Variants in C4orf54 observed in about 807,000 individuals in gnomAD.
C4orf54 encodes the protein chromosome 4 open reading frame 54.
Under a neutral mutation model 80.1 loss-of-function variants are expected in C4orf54, and 67 were observed. The ratio of observed to expected loss-of-function variants is 0.84; its 90% CI spans 0.69 to 1.03. C4orf54 has a LOEUF of 1.03. Among genes scored for constraint, C4orf54 ranks in the 50% least tolerant of loss-of-function variants. The pLI is 0.00. For synonymous variants in C4orf54, 1,000 were observed against 917.0 expected, an observed-to-expected ratio of 1.09 and a Z score of -1.64; for missense variants, 2,434 against 2,253.5, an observed-to-expected ratio of 1.08 and a Z score of -1.62.
chr4:99,642,335 C>T (rs1477099026), intron 2 of C4orf54, among the ~76,000 whole-genome samples: 1 of 152,146 alleles, frequency 6.6e-6, no homozygotes, highest in Non-Finnish European at 1.5e-5. Flanking sequence ...CTGACTGAGT[C>T]CTATCACTAG....
chr4:99,654,100 C>T lies in C4orf54; in HGVS notation c.549G>A (p.Lys183=), dbSNP rs1265119747. The change falls in exon 2 of 3, where the codon AAG becomes AAA. Residue 183 remains lysine, a synonymous_variant. Coordinates refer to ENST00000511828, the MANE Select transcript of C4orf54 (RefSeq NM_001354435.2). Reference sequence around the variant, plus strand: ...CTTCTCGCTGGGAGGAGGCTGAAGGCTTGGGAAGTGGCCACAGCTGCTGCT... The same window carrying T: ...CTTCTCGCTGGGAGGAGGCTGAAGGTTTGGGAAGTGGCCACAGCTGCTGCT... ...ELKQQLWPLP[K]PSASSQREAK... 33 of 1,536,062 alleles carry T rather than the reference C, an allele frequency of 2.1e-5. No homozygotes were observed. Among genetic ancestry groups the T allele is most frequent in the Non-Finnish European group, 8.7e-6 (10 of 1,146,928 alleles).
Position 99,651,577 on chromosome 4 carries a change from G to C in C4orf54, c.3072C>G (p.Pro1024=). 6.5e-7 allele frequency: 1 copy of C among 1,536,118 alleles called. No individual in the cohort carries two copies. The highest frequency in any genetic ancestry group is 1.2e-5 in the South Asian group (1 of 84,044). ...AQATSTAVIR[P]KAPEIKIRLG... is the part of the protein sequence containing the mutation. ...GCCGGATCTTGATTTCGGGAGCCTT[G>C]GGTCTGATCACCGCTGTGGAGGTGG... The change falls in exon 2 of 3, where the codon CCC becomes CCG. Residue 1024 remains proline, a synonymous_variant. Transcript: ENST00000511828.
chr4:99,649,402 G>A lies in C4orf54; in HGVS notation c.5247C>T (p.Leu1749=), dbSNP rs1208016829. 3.3e-6 allele frequency: 5 copies of A among 1,536,052 alleles called. No individual in the cohort carries two copies. In the African/African-American group the frequency reaches 5.5e-5, roughly 17 times the overall value. Reference sequence around the variant, plus strand: ...GCTGGGCAAAGGCCTTGGCCCCTAGGAGCTGGGATGTGGCTGCTGGGGCTG... The same window carrying A: ...GCTGGGCAAAGGCCTTGGCCCCTAGAAGCTGGGATGTGGCTGCTGGGGCTG... ...TSSAPAATSQ[L]LGAKAFAQLH... is the part of the protein sequence containing the mutation. Residue 1749 remains leucine, a synonymous_variant, in exon 2 of 3, where the codon CTC becomes CTT. Coordinates refer to ENST00000511828, the MANE Select transcript of C4orf54 (RefSeq NM_001354435.2).
chr4:99,643,348 T>A (rs1384225385), intron 2 of C4orf54, among the ~76,000 whole-genome samples: 2 of 152,202 alleles, frequency 1.3e-5, no homozygotes, highest in African/African-American at 4.8e-5. Flanking sequence ...GTAAGACTAG[T>A]TACTTAGACT....
In C4orf54 at chr4:99,650,514, C is replaced by A. The variant is rs1490582554; in HGVS notation, c.4135G>T (p.Val1379Leu). 2.0e-6 allele frequency: 3 copies of A among 1,536,138 alleles called. No individual in the cohort carries two copies. In the South Asian group the frequency reaches 3.6e-5, roughly 18 times the overall value. ...GGCTGCAGGGGTTGGGTTCTCTCTA[C>A]ATCCTTGTGGACTGGGGGAATATAG... ...SLYIPPVHKD[V>L]ERTQPLQPLP... is the part of the protein sequence containing the mutation. Residue 1379 changes from valine to leucine, a missense_variant, in exon 2 of 3, where the codon GTA (valine) becomes TTA (leucine). Physicochemically the swap from Val to Leu is conservative, Grantham distance 32. Transcript: ENST00000511828.
rs926254937 is a variant in C4orf54, at chr4:99,638,549, G to T, written c.*2684C>A. 1.3e-5 allele frequency: 2 copies of T among 152,072 alleles called. No homozygotes were observed. Among genetic ancestry groups the T allele is most frequent in the African/African-American group, 4.8e-5 (2 of 41,422 alleles). 9.4% of individuals were successfully genotyped at this position (152,072 alleles called of 1,614,324 possible). On this transcript the variant is annotated 3_prime_UTR_variant, in exon 3 of 3. Coordinates refer to ENST00000511828, the MANE Select transcript of C4orf54 (RefSeq NM_001354435.2). The stretch of plus-strand genomic sequence containing the variant: ...GAAATGTTTTACTAATGGTTTTATA[G>T]TAATAAAAAATAAAAGGGAAGTTCA...
Position 99,651,689 on chromosome 4 carries a change from A to T in C4orf54, c.2960T>A (p.Met987Lys). Residue 987 changes from methionine (M) to lysine (K), a missense_variant, in exon 2 of 3, where the codon ATG becomes AAG. Coordinates refer to ENST00000511828, the MANE Select transcript of C4orf54 (RefSeq NM_001354435.2). ...GATGTTGGGGACAAAGAGGCGAGAC[A>T]TGATGGTGTTCTTGCTGGCAGAAAT... Reference protein sequence around the residue: ...GEISASKNTIMSRLFVPNIQQ... With the variant: ...GEISASKNTIKSRLFVPNIQQ... The T allele has an allele frequency of 6.5e-7, 1 of 1,536,006 alleles. No homozygotes were observed. Among genetic ancestry groups the T allele is most frequent in the Non-Finnish European group, 8.7e-7 (1 of 1,146,878 alleles).
Position 99,651,494 on chromosome 4 carries a change from T to C in C4orf54, c.3155A>G (p.Lys1052Arg), listed in dbSNP as rs760119511. 3.3e-6 allele frequency: 5 copies of C among 1,536,206 alleles called. No individual in the cohort carries two copies. Among genetic ancestry groups the C allele is most frequent in the Non-Finnish European group, 2.6e-6 (3 of 1,146,908 alleles). ...DFNIAKLLTP[K>R]LAGGSASNLF... ...GTTAGAGGCGCTGCCACCGGCCAGCTTGGGCGTGAGCAACTTGGCAATGTT... is the reference window on the plus strand; with the variant it reads ...GTTAGAGGCGCTGCCACCGGCCAGCCTGGGCGTGAGCAACTTGGCAATGTT... Residue 1052 changes from lysine (K) to arginine (R), a missense_variant, in exon 2 of 3, where the codon AAG (lysine) becomes AGG (arginine). By Grantham distance (26) the Lys-to-Arg change is conservative. Transcript: ENST00000511828.
chr4:99,653,617 T>A lies in C4orf54; in HGVS notation c.1032A>T (p.Thr344=), dbSNP rs1217377417. ...GGGGGGAGDG[T]ECRDIIAKSQ... is the part of the protein sequence containing the mutation. ...ACTTGGCAATAATGTCCCTGCACTC[T>A]GTTCCATCTCCTGCCCCTCCTCCCC... Residue 344 remains threonine, a synonymous_variant, in exon 2 of 3, where the codon ACA becomes ACT. Transcript: ENST00000511828. 6.5e-7 allele frequency: 1 copy of A among 1,535,998 alleles called. No individual in the cohort carries two copies. Among genetic ancestry groups the A allele is most frequent in the Non-Finnish European group, 8.7e-7 (1 of 1,146,862 alleles).
chr4:99,649,253 C>G lies in C4orf54; in HGVS notation c.*14G>C. ...TACCAGCAGTTTTTCATTCCGCTTC[C>G]TGGTGGCTGCTCATCATCTGTGTTC... On this transcript the variant is annotated 3_prime_UTR_variant, in exon 2 of 3. Transcript: ENST00000511828. The G allele has an allele frequency of 6.7e-7, 1 of 1,488,692 alleles. No individual in the cohort carries two copies. Among genetic ancestry groups the G allele is most frequent in the Non-Finnish European group, 8.9e-7 (1 of 1,121,392 alleles). The allele number at this position is 1,488,692 out of a possible 1,614,324, so 92.2% of individuals were successfully genotyped here.
rs571894927 is a variant in C4orf54, at chr4:99,654,322, C to G, written c.327G>C (p.Leu109=). 6.8e-7 allele frequency: 1 copy of G among 1,470,584 alleles called. No individual in the cohort carries two copies. The highest frequency in any genetic ancestry group is 2.5e-5 in the East Asian group (1 of 40,562). 91.1% of individuals were successfully genotyped at this position (1,470,584 alleles called of 1,614,324 possible). A position where few individuals can be genotyped will look rare whatever the true frequency, so the allele number is the denominator to read the frequency against. ...ALGPVQIRGT[L]LRATLQPLRG... is the part of the protein sequence containing the mutation. ...GGAGGGGCTGCAGAGTTGCCCGAAG[C>G]AGGGTCCCACGTATCTGGACTGGCC... The change falls in exon 2 of 3, where the codon CTG becomes CTC. Residue 109 remains leucine, a synonymous_variant. Coordinates refer to ENST00000511828, the MANE Select transcript of C4orf54 (RefSeq NM_001354435.2).
intron 2 of C4orf54, among the ~76,000 whole-genome samples, chr4:99,648,529 A>ATCCT (rs1726737029): frequency 6.7e-6 from 1 of 150,064 alleles, no homozygotes; most frequent in African/African-American, 2.5e-5. Context: ...CAGCTCCAGA[A>ATCCT]TCCTCCCTCC....
chr4:99,647,120 A>G (rs1334661148), intron 2 of C4orf54, among the ~76,000 whole-genome samples: 2 of 152,226 alleles, frequency 1.3e-5, no homozygotes, highest in Admixed American at 6.5e-5. Flanking sequence ...TCACTATTCA[A>G]GTCCCAAACA....
At chr4:99,645,410 T>TAAAAAAAAAA (rs70958324) in intron 2 of C4orf54, among the ~76,000 whole-genome samples, 3 of 55,874 alleles carry the variant, frequency 5.4e-5, no homozygotes, top group African/African-American at 2.4e-4. Context: ...AGGCTTACAG[T>TAAAAAAAAAA]AAAAAAAAAA....
rs1726913012 is a variant in C4orf54 at position 99,653,806 on chromosome 4, A to G, written c.843T>C (p.Asp281=). The part of the protein sequence containing the change: ...SSSPMNKAEE[D]GLSKMEDSTT... Reference sequence around the variant, plus strand: ...TGGAGTCCTCCATTTTGGAAAGGCCATCCTCTTCTGCTTTGTTCATCGGGG... The same window carrying G: ...TGGAGTCCTCCATTTTGGAAAGGCCGTCCTCTTCTGCTTTGTTCATCGGGG... Residue 281 remains aspartate, a synonymous_variant, in exon 2 of 3, where the codon GAT becomes GAC. Transcript: ENST00000511828. 7.8e-6 allele frequency: 12 copies of G among 1,536,024 alleles called. No homozygotes were observed. The highest frequency in any genetic ancestry group is 8.7e-6 in the Non-Finnish European group (10 of 1,146,910).
In C4orf54 at chr4:99,653,028, T is replaced by G; in HGVS notation, c.1621A>C (p.Asn541His). ...NEPSNVRAKQ[N>H]IIYAAKHEGD... ...TCATGCTTGGCAGCATAAATAATGT[T>G]TTGCTTTGCACGCACGTTGCTAGGC... The change falls in exon 2 of 3, where the codon AAC becomes CAC. Residue 541 changes from asparagine to histidine, a missense_variant. Coordinates refer to ENST00000511828, the MANE Select transcript of C4orf54 (RefSeq NM_001354435.2). The G allele has an allele frequency of 6.5e-7, 1 of 1,536,142 alleles. No individual in the cohort carries two copies. The highest frequency in any genetic ancestry group is 1.2e-5 in the South Asian group (1 of 84,052).
Position 99,650,468 on chromosome 4 carries a change from T to C in C4orf54, c.4181A>G (p.Asn1394Ser). 1 of 1,536,110 alleles carries C rather than the reference T, an allele frequency of 6.5e-7. No individual in the cohort carries two copies. Among genetic ancestry groups the C allele is most frequent in the Non-Finnish European group, 8.7e-7 (1 of 1,146,890 alleles). Residue 1394 changes from asparagine (N) to serine (S), a missense_variant, in exon 2 of 3, where the codon AAC becomes AGC. Physicochemically the swap from Asn to Ser is conservative, Grantham distance 46. Coordinates refer to ENST00000511828, the MANE Select transcript of C4orf54 (RefSeq NM_001354435.2). ...PLQPLPPLPS[N>S]RNVFTVSASS... Reference sequence around the variant, plus strand: ...GGCACTCACTGTGAACACGTTCCGGTTGCTGGGGAGTGGTGGGAGGGGCTG... The same window carrying C: ...GGCACTCACTGTGAACACGTTCCGGCTGCTGGGGAGTGGTGGGAGGGGCTG...
Position 99,654,344 on chromosome 4 carries a change from G to T in C4orf54, c.305C>A (p.Pro102Gln). ...AVAAVPTALG[P>Q]VQIRGTLLRA... ...AAGCAGGGTCCCACGTATCTGGACT[G>T]GCCCCAAGGCTGTAGGCACTGCTGC... is the stretch of plus-strand genomic sequence containing the variant. The change falls in exon 2 of 3, where the codon CCA (proline) becomes CAA (glutamine). Residue 102 changes from proline (P) to glutamine (Q), a missense_variant. Transcript: ENST00000511828. 2 of 1,324,330 alleles carry T rather than the reference G, an allele frequency of 1.5e-6. No individual in the cohort carries two copies. The highest frequency in any genetic ancestry group is 2.1e-6 in the Non-Finnish European group (2 of 953,900). The allele number at this position is 1,324,330 out of a possible 1,614,324, so 82.0% of individuals were successfully genotyped here.
rs898957966 is a variant in C4orf54 at position 99,640,250 on chromosome 4, G to T, written c.*983C>A. 3.9e-5 allele frequency: 6 copies of T among 152,094 alleles called. No homozygotes were observed. The highest frequency in any genetic ancestry group is 8.8e-5 in the Non-Finnish European group (6 of 67,992). The allele number at this position is 152,094 out of a possible 1,614,324, so 9.4% of individuals were successfully genotyped here. The stretch of plus-strand genomic sequence containing the variant: ...TAAGGAGCAAGTGCTGTAACTCTAG[G>T]TTACTGTTATTGGGATAGCGAGGCT... On this transcript the variant is annotated 3_prime_UTR_variant, in exon 3 of 3. Transcript: ENST00000511828.
Sources: gnomAD v4.1 joint callset for allele counts (sites outside exome capture counted in the v4.1 genomes callset) on GRCh38, gnomAD v4.1.1 for gene constraint, MANE v1.5 for transcripts, NCBI Gene and HGNC (gene_info 2026-07-23, HGNC 2026-07-21) for gene names.